The following KCNIP4 variants were observed in gnomAD, a reference collection of about 807,000 sequenced individuals.
The protein encoded by KCNIP4 is Kv channel-interacting protein 4.
KCNIP4 carries 12 observed loss-of-function variants against 34.0 expected under a neutral mutation model. The observed-to-expected ratio is 0.35, with a 90% CI of 0.23 to 0.57. The LOEUF is 0.57. Among genes scored for constraint, KCNIP4 ranks in the 20% least tolerant of loss-of-function variants. The probability of loss-of-function intolerance (pLI) is 0.83; values close to 1 mark genes in which losing one functional copy is unlikely to be tolerated. For missense variants in KCNIP4, 238 were observed against 311.7 expected, an observed-to-expected ratio of 0.76 and a Z score of 1.78; for synonymous variants, 124 against 102.2, an observed-to-expected ratio of 1.21 and a Z score of -1.29.
rs534765988 is a variant in KCNIP4 at position 21,008,306 on chromosome 4, T to C, written c.62-125597A>G. Among the ~76,000 whole-genome samples the C allele has an allele frequency of 1.2e-4, 19 of 152,236 alleles. 1 individual carries two copies. Among genetic ancestry groups the C allele is most frequent in the Non-Finnish European group, 2.4e-4 (16 of 68,038 alleles). On this transcript the variant is annotated intron_variant, in intron 1 of 8. Transcript: ENST00000382152. The stretch of plus-strand genomic sequence containing the variant: ...ACACTCCTCCACCCTTTTTGTTCTC[T>C]AGTTGGTTTGTAATTTAGAAAGTGT...
At chr4:21,566,702 GGAAGAGACAATACTTAGA>G (rs1560521734) in intron 1 of KCNIP4, among the ~76,000 whole-genome samples, 1 of 152,130 alleles carries the variant, frequency 6.6e-6, no homozygotes, top group Non-Finnish European at 1.5e-5. Context: ...GAGGTAGAAA[GGAAGAGACAATACTTAGA>G]GACATTTGGG....
At chr4:21,753,473 G>A (rs937820708) in intron 1 of KCNIP4, among the ~76,000 whole-genome samples, 9 of 152,126 alleles carry the variant, frequency 5.9e-5, no homozygotes, top group African/African-American at 1.7e-4. Flanking sequence ...TTTGGAACCA[G>A]GAGCTGAGGA....
At chr4:21,884,417 C>T (rs903684769) in intron 1 of KCNIP4, among the ~76,000 whole-genome samples, 3 of 152,158 alleles carry the variant, frequency 2.0e-5, no homozygotes, top group Non-Finnish European at 2.9e-5. Flanking sequence ...ATGCCCTCCT[C>T]GTCTAGCCCC....
At chr4:21,740,886 T>C (rs983235667) in intron 1 of KCNIP4, among the ~76,000 whole-genome samples, 3 of 151,984 alleles carry the variant, frequency 2.0e-5, no homozygotes, top group Non-Finnish European at 2.9e-5. Context: ...GAAAAGAAAA[T>C]ATGCTCAGGG....
At chr4:20,899,234 T>A (rs2149549156) in intron 1 of KCNIP4, among the ~76,000 whole-genome samples, 1 of 152,286 alleles carries the variant, frequency 6.6e-6, no homozygotes, top group South Asian at 2.1e-4. Context: ...AAATCCTCTA[T>A]CAGCATAACA....
intron 1 of KCNIP4, among the ~76,000 whole-genome samples, chr4:21,142,001 A>C (rs753627231): frequency 6.6e-6 from 1 of 151,720 alleles, no homozygotes; most frequent in Non-Finnish European, 1.5e-5. Flanking sequence ...AATACTAAAA[A>C]TTTGCGAGGT....
At position 20,729,069 on chromosome 4, in the gene KCNIP4, C is replaced by CTTGCTGTTTGT. The variant is rs908179785; in HGVS notation, c.*1002_*1012dup. 1.2e-4 allele frequency: 18 copies of CTTGCTGTTTGT among 151,988 alleles called. No individual in the cohort carries two copies. Among genetic ancestry groups the CTTGCTGTTTGT allele is most frequent in the Admixed American group, 6.6e-4 (10 of 15,244 alleles). 9.4% of individuals were successfully genotyped at this position (151,988 alleles called of 1,614,324 possible). ...AAGTGAATTTTGCTTGCTAATTTTG[C>CTTGCTGTTTGT]TTGCTGTTTGTTCTTAGTAGACAGT... On this transcript the variant is annotated 3_prime_UTR_variant, in exon 9 of 9. Transcript: ENST00000382152.
intron 1 of KCNIP4, among the ~76,000 whole-genome samples, chr4:20,960,127 T>G (rs1560602304): frequency 6.6e-6 from 1 of 152,136 alleles, no homozygotes; most frequent in Non-Finnish European, 1.5e-5. Flanking sequence ...CTTCAGATAG[T>G]TAGGATGAAA....
At chr4:21,914,388 C>T (rs36004311) in intron 1 of KCNIP4, among the ~76,000 whole-genome samples, 33,858 of 151,896 alleles carry the variant, frequency 0.22, 4,688 homozygotes, top group South Asian at 0.31. Flanking sequence ...ATGCAAAATC[C>T]CTTACAACCT....
intron 1 of KCNIP4, among the ~76,000 whole-genome samples, chr4:21,747,674 T>C (rs772065074): frequency 8.5e-5 from 13 of 152,150 alleles, no homozygotes; most frequent in Non-Finnish European, 1.6e-4. Context: ...ATTAATTTGA[T>C]GGATCTTAAT....
At position 21,108,689 on chromosome 4, in the gene KCNIP4, T is replaced by C. The variant is rs1352478994; in HGVS notation, c.62-225980A>G. Among the ~76,000 whole-genome samples the C allele has an allele frequency of 4.0e-5, 6 of 151,838 alleles. No individual in the cohort carries two copies. The East Asian group carries it at 1.2e-3, about 29-fold the overall frequency. ...GAGAGGCACTCTGCTTTTTAGAGTT[T>C]CCAGTTCTTCTGCTCTGTTTTTTCC... On this transcript the variant is annotated intron_variant, in intron 1 of 8. Coordinates refer to ENST00000382152, the MANE Select transcript of KCNIP4 (RefSeq NM_025221.6).
rs567756578 is a variant in KCNIP4 at position 20,864,151 on chromosome 4, T to C, written c.164-13484A>G. On this transcript the variant is annotated intron_variant, in intron 2 of 8. Transcript: ENST00000382152. ...ACACATGTATGTATACATATCCATG[T>C]ATGCATACACATGTATGTATACACA... Among the ~76,000 whole-genome samples, 266 of 97,710 alleles carry C rather than the reference T, an allele frequency of 2.7e-3. 1 individual carries two copies. The highest frequency in any genetic ancestry group is 6.9e-3 in the African/African-American group (239 of 34,528). 64.1% of individuals were successfully genotyped at this position (97,710 alleles called of 152,430 possible). A position where few individuals can be genotyped will look rare whatever the true frequency, so the allele number is the denominator to read the frequency against.
chr4:20,808,595 T>C (rs901665828), intron 3 of KCNIP4, among the ~76,000 whole-genome samples: 21 of 152,220 alleles, frequency 1.4e-4, no homozygotes, highest in African/African-American at 4.8e-4. Flanking sequence ...CGGTGCACTT[T>C]ATGCTAGTTT....
In KCNIP4 at chr4:21,119,239, G is replaced by A. The variant is rs1003105217; in HGVS notation, c.62-236530C>T. The stretch of plus-strand genomic sequence containing the variant: ...TGACCAGGAAAGATGAGAATTTTGA[G>A]AAGTGGAACTTTAGCTTCCTCCAGG... On this transcript the variant is annotated intron_variant, in intron 1 of 8. Transcript: ENST00000382152. Among the ~76,000 whole-genome samples, 11 of 152,154 alleles carry A rather than the reference G, an allele frequency of 7.2e-5. No homozygotes were observed. In the South Asian group the frequency reaches 2.1e-3, roughly 29 times the overall value.
rs116474783 is a variant in KCNIP4 at position 21,341,923 on chromosome 4, G to C, written c.62-459214C>G. ...CTTGTTACTTCAAACTGAACATTGT[G>C]CAGAATGCGAGATCTGCAATCAACA... On this transcript the variant is annotated intron_variant, in intron 1 of 8. Transcript: ENST00000382152. Among the ~76,000 whole-genome samples, 885 of 152,218 alleles carry C rather than the reference G, an allele frequency of 5.8e-3. 9 individuals are homozygous for C. Among genetic ancestry groups the C allele is most frequent in the African/African-American group, 0.02 (847 of 41,528 alleles).
chr4:20,922,516 A>ACTGTCTGTCTGTCTGTCTGT (rs763750641), intron 1 of KCNIP4, among the ~76,000 whole-genome samples: 6 of 143,356 alleles, frequency 4.2e-5, no homozygotes, highest in Non-Finnish European at 6.1e-5. Context: ...TAATAGTGTG[A>ACTGTCTGTCTGTCTGTCTGT]CTGTCTGTCT....
Position 21,234,150 on chromosome 4 carries a change from CATATATAACGTATATTATATATAACAT to C in KCNIP4, c.62-351468_62-351442del, listed in dbSNP as rs1560198328. Reference sequence around the variant, plus strand: ...CATATATAACGTATATTATATATAACATATATAACGTATATTATATATAACATATATAACGTATATTATATATAACAT... The same window carrying C: ...CATATATAACGTATATTATATATAACATATAACGTATATTATATATAACAT... On this transcript the variant is annotated intron_variant, in intron 1 of 8. Coordinates refer to ENST00000382152, the MANE Select transcript of KCNIP4 (RefSeq NM_025221.6). Among the ~76,000 whole-genome samples, 210 of 101,674 alleles carry C rather than the reference CATATATAACGTATATTATATATAACAT, an allele frequency of 2.1e-3. 33 individuals are homozygous for C. The highest frequency in any genetic ancestry group is 9.9e-3 in the African/African-American group (198 of 20,026). 66.7% of individuals were successfully genotyped at this position (101,674 alleles called of 152,430 possible). A position where few individuals can be genotyped will look rare whatever the true frequency, so the allele number is the denominator to read the frequency against.
chr4:21,683,939 C>T (rs1750607257), intron 1 of KCNIP4, among the ~76,000 whole-genome samples: 1 of 151,786 alleles, frequency 6.6e-6, no homozygotes, highest in African/African-American at 2.4e-5. Flanking sequence ...AATTCATGAA[C>T]ACGAAGAGGG....
intron 1 of KCNIP4, among the ~76,000 whole-genome samples, chr4:21,741,876 A>T (rs955686053): frequency 6.6e-6 from 1 of 152,050 alleles, no homozygotes; most frequent in Admixed American, 6.6e-5. Context: ...ATTTCTACTA[A>T]AAATACAAAA....
Sources: gnomAD v4.1 joint callset for allele counts (sites outside exome capture counted in the v4.1 genomes callset) on GRCh38, gnomAD v4.1.1 for gene constraint, MANE v1.5 for transcripts, NCBI Gene and HGNC (gene_info 2026-07-23, HGNC 2026-07-21) for gene names.